EVI5: variants seen among roughly 807,000 people sequenced by gnomAD.
EVI5 encodes ecotropic viral integration site 5 protein homolog.
Under a neutral mutation model 112.0 loss-of-function variants are expected in EVI5, and 73 were observed. That is an observed-to-expected ratio of 0.65 (90% confidence interval 0.54 to 0.79). EVI5 has a LOEUF of 0.79. Ranked by LOEUF, EVI5 falls within the 30% of genes least tolerant of loss-of-function variation. The probability of loss-of-function intolerance (pLI) is 0.00; values close to 1 mark genes in which losing one functional copy is unlikely to be tolerated. For synonymous variants in EVI5, 305 were observed against 319.9 expected (o/e 0.95, Z 0.50); for missense variants, 900 against 968.8 (o/e 0.93, Z 0.94).
intron 1 of EVI5, among the ~76,000 whole-genome samples, chr1:92,762,912 C>T (rs1280468550): frequency 1.3e-5 from 2 of 152,064 alleles, no homozygotes; most frequent in East Asian, 3.9e-4. Flanking sequence ...GTCCAGACCT[C>T]ACCACTACAC....
intron 19 of EVI5, among the ~76,000 whole-genome samples, chr1:92,525,143 T>G (rs1342682974): frequency 6.6e-6 from 1 of 152,010 alleles, no homozygotes; most frequent in African/African-American, 2.4e-5. Context: ...TAAGTATTTT[T>G]TAATACAACT....
intron 1 of EVI5, among the ~76,000 whole-genome samples, chr1:92,759,552 T>C (rs1340642368): frequency 6.6e-6 from 1 of 152,224 alleles, no homozygotes; most frequent in Non-Finnish European, 1.5e-5. Context: ...TTCACAATCT[T>C]GTGCAACCAT....
chr1:92,757,907 CAAAAAAA>C (rs71091299), intron 1 of EVI5, among the ~76,000 whole-genome samples: 1 of 70,292 alleles, frequency 1.4e-5, no homozygotes, highest in African/African-American at 5.4e-5. Flanking sequence ...GACTCTGCCT[CAAAAAAA>C]AAAAAAAAAA....
intron 16 of EVI5, among the ~76,000 whole-genome samples, chr1:92,620,588 T>C (rs923292571): frequency 6.6e-5 from 10 of 152,134 alleles, no homozygotes; most frequent in African/African-American, 2.4e-4. Flanking sequence ...CTGGCTGGCA[T>C]GGTTTCTGAC....
At chr1:92,752,609 T>C (rs752055695) in intron 1 of EVI5, among the ~76,000 whole-genome samples, 8 of 152,096 alleles carry the variant, frequency 5.3e-5, no homozygotes, top group Non-Finnish European at 8.8e-5. Flanking sequence ...GAACTTTTCC[T>C]TCTTTGTGGG....
At chr1:92,668,588 CTTT>C (rs1665317614) in intron 10 of EVI5, among the ~76,000 whole-genome samples, 3 of 152,190 alleles carry the variant, frequency 2.0e-5, no homozygotes, top group Admixed American at 1.3e-4. Context: ...TCCCCAACCC[CTTT>C]TACGGCTTCT....
intron 14 of EVI5, among the ~76,000 whole-genome samples, chr1:92,635,506 C>T (rs988384124): frequency 3.9e-5 from 6 of 152,158 alleles, no homozygotes; most frequent in African/African-American, 9.7e-5. Flanking sequence ...TCCTGGTGTG[C>T]TGTTTGCTCA....
chr1:92,571,872 C>T (rs1361680189), intron 18 of EVI5, among the ~76,000 whole-genome samples: 1 of 152,050 alleles, frequency 6.6e-6, no homozygotes, highest in Non-Finnish European at 1.5e-5. Context: ...AACTGGTTTC[C>T]TAAGTAAAAC....
At chr1:92,760,047 T>C (rs1681578728) in intron 1 of EVI5, among the ~76,000 whole-genome samples, 1 of 152,164 alleles carries the variant, frequency 6.6e-6, no homozygotes, top group Non-Finnish European at 1.5e-5. Flanking sequence ...CCAAAAGCAA[T>C]TACCACAATA....
chr1:92,606,923 C>CACA (rs752623069), intron 17 of EVI5, among the ~76,000 whole-genome samples: 1 of 56,872 alleles, frequency 1.8e-5, no homozygotes, highest in South Asian at 7.7e-4. Context: ...CACACACACA[C>CACA]CCCCCCAAAC....
At chr1:92,553,956 A>G (rs1451070474) in intron 19 of EVI5, among the ~76,000 whole-genome samples, 1 of 152,232 alleles carries the variant, frequency 6.6e-6, no homozygotes, top group Non-Finnish European at 1.5e-5. Flanking sequence ...TTTCCTAAAT[A>G]AGAGGCATAT....
intron 19 of EVI5, among the ~76,000 whole-genome samples, chr1:92,537,180 C>T (rs532989925): frequency 1.3e-5 from 2 of 152,224 alleles, no homozygotes; most frequent in Admixed American, 6.5e-5. Context: ...ACTTTGATCA[C>T]TACTAGACAG....
intron 1 of EVI5, among the ~76,000 whole-genome samples, chr1:92,773,252 A>G (rs184283937): frequency 6.6e-6 from 1 of 152,010 alleles, no homozygotes; most frequent in Admixed American, 6.6e-5. Flanking sequence ...CAAATAGGAG[A>G]TAGGACAAAT....
intron 1 of EVI5, among the ~76,000 whole-genome samples, chr1:92,759,462 T>A (rs190169036): frequency 1.3e-5 from 2 of 152,328 alleles, no homozygotes; most frequent in East Asian, 3.9e-4. Flanking sequence ...AGACTTTTTT[T>A]AAAAGTATGT....
At chr1:92,531,945 C>T (rs565669715) in intron 19 of EVI5, among the ~76,000 whole-genome samples, 4 of 152,234 alleles carry the variant, frequency 2.6e-5, no homozygotes, top group African/African-American at 9.6e-5. Context: ...ACAATATTAA[C>T]CTTAAACATA....
chr1:92,787,783 A>G (rs913924948), upstream of EVI5, among the ~76,000 whole-genome samples: 3 of 151,864 alleles, frequency 2.0e-5, no homozygotes, highest in South Asian at 6.2e-4. Context: ...AGACTGGGTG[A>G]CTGGTGGGTA....
At position 92,510,554 on chromosome 1, in the gene EVI5, A is replaced by G. The variant is rs1398718831; in HGVS notation, c.*3102T>C. Reference sequence around the variant, plus strand: ...CTACCACTGAGCTAAATTGAAGAAGAAAAACCTGCATTTTAGAGTATCTGT... The same window carrying G: ...CTACCACTGAGCTAAATTGAAGAAGGAAAACCTGCATTTTAGAGTATCTGT... On this transcript the variant is annotated 3_prime_UTR_variant, in exon 20 of 20. Transcript: ENST00000684568. 5.3e-5 allele frequency: 8 copies of G among 152,248 alleles called. No homozygotes were observed. 9.4% of individuals were successfully genotyped at this position (152,248 alleles called of 1,614,324 possible). A position where few individuals can be genotyped will look rare whatever the true frequency, so the allele number is the denominator to read the frequency against.
rs143169449 is a variant in EVI5 at position 92,760,273 on chromosome 1, C to A, written c.-81-23646G>T. Among the ~76,000 whole-genome samples, 278 of 152,230 alleles carry A rather than the reference C, an allele frequency of 1.8e-3. 4 individuals carry two copies. The highest frequency in any genetic ancestry group is 6.1e-3 in the African/African-American group (255 of 41,540). ...CACAATGCTGAAGATATCAGGAGAT[C>A]ATTACTGAGGTCAGGATTGCAGGTT... On this transcript the variant is annotated intron_variant, in intron 1 of 19. Transcript: ENST00000684568.
At chr1:92,788,781 A>C (rs927080879), upstream of EVI5, among the ~76,000 whole-genome samples, 3 of 152,072 alleles carry the variant, frequency 2.0e-5, no homozygotes, top group Non-Finnish European at 1.5e-5. Context: ...GCAACAGAGC[A>C]AGACTCTGTC....
Sources: gnomAD v4.1 joint callset for allele counts (sites outside exome capture counted in the v4.1 genomes callset) on GRCh38, gnomAD v4.1.1 for gene constraint, MANE v1.5 for transcripts, NCBI Gene and HGNC (gene_info 2026-07-23, HGNC 2026-07-21) for gene names.